The following HERC3 variants were observed in gnomAD, a reference collection of about 807,000 sequenced individuals.
The protein encoded by HERC3 is probable E3 ubiquitin-protein ligase HERC3.
HERC3 carries 58 observed loss-of-function variants against 129.9 expected under a neutral mutation model. That is an observed-to-expected ratio of 0.45 (90% CI 0.36 to 0.56). The LOEUF is 0.56. HERC3 is among the 20% of genes least tolerant of loss of function. The pLI is 0.00. For missense variants in HERC3, 835 were observed against 1,244.2 expected, an observed-to-expected ratio of 0.67 and a Z score of 4.95; for synonymous variants, 430 against 451.0, an observed-to-expected ratio of 0.95 and a Z score of 0.59.
At chr4:88,566,115 C>T in the HERC3 span, among the ~76,000 whole-genome samples, 1 of 152,066 alleles carries the variant, frequency 6.6e-6, no homozygotes. Context: ...TCCTGATCCT[C>T]TCCCTCCTTC....
chr4:88,667,345 T>G, intron 12 of HERC3, 32 bp from the exon 13 acceptor site: 1 of 1,232,626 alleles, frequency 8.1e-7, no homozygotes, highest in Non-Finnish European at 1.2e-6. Flanking sequence ...CTTTTTCTTT[T>G]ATTATATACC....
chr4:88,615,165 A>T (rs111634850), intron 3 of HERC3, among the ~76,000 whole-genome samples: 1 of 152,124 alleles, frequency 6.6e-6, no homozygotes, highest in African/African-American at 2.4e-5. Flanking sequence ...CCACCCTTTA[A>T]TTCTGAATTT....
At chr4:88,592,186 G>A (rs376312543), upstream of HERC3, among the ~76,000 whole-genome samples, 11 of 152,236 alleles carry the variant, frequency 7.2e-5, no homozygotes, top group Admixed American at 2.6e-4. Context: ...CCAGTGAAAA[G>A]CAATCTTATT....
chr4:88,655,411 A>C (rs1729775023), intron 8 of HERC3, 107 bp downstream of exon 8: 1 of 1,280,306 alleles, frequency 7.8e-7, no homozygotes, highest in African/African-American at 1.5e-5. Flanking sequence ...ATTTTAAGAG[A>C]TCTTAACTGC....
chr4:88,585,980 G>A, the HERC3 span, among the ~76,000 whole-genome samples: 1 of 152,130 alleles, frequency 6.6e-6, no homozygotes, highest in African/African-American at 2.4e-5. Context: ...GTGTTTGGCT[G>A]GTGCCATCTT....
In HERC3 at chr4:88,706,905, TG is replaced by T. The variant is rs1168311071; in HGVS notation, c.3099del (p.Ser1034ValfsTer4). On this transcript the variant is annotated frameshift_variant, in exon 26 of 26. Transcript: ENST00000402738. LOFTEE classifies it high-confidence loss of function. The stretch of plus-strand genomic sequence containing the variant: ...CCCAAGTACAGCAGCAAAGAGATTC[TG>T]AGTGCCCGGCTGACCCAGGCCCTTG... Reference protein sequence around the residue: ...DLPKYSSKEILSARLTQALDN... With the variant: ...DLPKYSSKEIXSARLTQALDN... 1 of 1,614,208 alleles carries T rather than the reference TG, an allele frequency of 6.2e-7. No individual in the cohort carries two copies.
intron 23 of HERC3, among the ~76,000 whole-genome samples, chr4:88,689,161 A>G (rs1441578022): frequency 1.3e-5 from 2 of 151,918 alleles, no homozygotes; most frequent in Non-Finnish European, 2.9e-5. Context: ...TATTAAATTC[A>G]CTCTATCCAA....
At chr4:88,624,871 A>G (rs1427023876) in intron 3 of HERC3, among the ~76,000 whole-genome samples, 1 of 152,162 alleles carries the variant, frequency 6.6e-6, no homozygotes, top group African/African-American at 2.4e-5. Flanking sequence ...TCAAATTAAA[A>G]TTTTATATGT....
rs763075838 is a variant in HERC3, at chr4:88,707,008, T to C, written c.*48T>C. On this transcript the variant is annotated 3_prime_UTR_variant, in exon 26 of 26. Coordinates refer to ENST00000402738, the MANE Select transcript of HERC3 (RefSeq NM_014606.3). Reference sequence around the variant, plus strand: ...TTCCCTTCGTTCCTCAGTGTCCACATTGAGGCCTATACAGAAAATCATGGG... The same window carrying C: ...TTCCCTTCGTTCCTCAGTGTCCACACTGAGGCCTATACAGAAAATCATGGG... The C allele has an allele frequency of 5.0e-6, 7 of 1,398,120 alleles. No individual in the cohort carries two copies. Among genetic ancestry groups the C allele is most frequent in the East Asian group, 4.6e-5 (2 of 43,880 alleles). The allele number at this position is 1,398,120 out of a possible 1,614,324, so 86.6% of individuals were successfully genotyped here.
the HERC3 span, among the ~76,000 whole-genome samples, chr4:88,532,497 G>C: frequency 6.6e-6 from 1 of 152,120 alleles, no homozygotes; most frequent in African/African-American, 2.4e-5. Flanking sequence ...GGCTCTCATA[G>C]GATTGGATGA....
At chr4:88,705,495 C>G (rs528532022) in intron 25 of HERC3, among the ~76,000 whole-genome samples, 1 of 152,332 alleles carries the variant, frequency 6.6e-6, no homozygotes, top group South Asian at 2.1e-4. Flanking sequence ...CCAGCTCCCC[C>G]ACCAGTCTTT....
rs1397828658 is a variant in HERC3, at chr4:88,708,485, A to G, written c.*1525A>G. 1 of 152,528 alleles carries G rather than the reference A, an allele frequency of 6.6e-6. No individual in the cohort carries two copies. Among genetic ancestry groups the G allele is most frequent in the East Asian group, 1.9e-4 (1 of 5,184 alleles). The allele number at this position is 152,528 out of a possible 1,614,324, so 9.4% of individuals were successfully genotyped here. Reference sequence around the variant, plus strand: ...CAGTTATATGAAATGTTTATTTTCTATGTGTGTGCATATAGTTCAATATTA... The same window carrying G: ...CAGTTATATGAAATGTTTATTTTCTGTGTGTGTGCATATAGTTCAATATTA... On this transcript the variant is annotated 3_prime_UTR_variant, in exon 26 of 26. Transcript: ENST00000402738.
intron 23 of HERC3, among the ~76,000 whole-genome samples, chr4:88,691,797 A>G (rs1316027683): frequency 1.3e-5 from 2 of 152,250 alleles, no homozygotes; most frequent in East Asian, 1.9e-4. Flanking sequence ...GCCATAATGT[A>G]GTCATTAGCA....
At chr4:88,543,379 G>T in the HERC3 span, among the ~76,000 whole-genome samples, 1 of 152,108 alleles carries the variant, frequency 6.6e-6, no homozygotes, top group African/African-American at 2.4e-5. Flanking sequence ...ACTTACAAGG[G>T]ATGTGAAGGA....
chr4:88,612,242 C>G (rs552542181), intron 3 of HERC3, among the ~76,000 whole-genome samples: 2 of 150,780 alleles, frequency 1.3e-5, no homozygotes, highest in Admixed American at 1.3e-4. Context: ...TTTCTTTGTA[C>G]TCTCATTTCT....
At chr4:88,593,523 C>T (rs2149164423) in intron 1 of HERC3, 1 of 152,364 alleles carries the variant, frequency 6.6e-6, no homozygotes, top group Non-Finnish European at 1.5e-5. Flanking sequence ...TGGTCTGTCA[C>T]TGTTTCTGGC....
At chr4:88,669,728 G>A in intron 14 of HERC3, 132 bp from the exon 15 acceptor site, 1 of 697,980 alleles carries the variant, frequency 1.4e-6, no homozygotes, top group Non-Finnish European at 2.3e-6. Flanking sequence ...TCTTTTTAAA[G>A]TCAGTTTTGG....
the HERC3 span, among the ~76,000 whole-genome samples, chr4:88,549,997 C>T: frequency 3.9e-5 from 6 of 152,082 alleles, no homozygotes; most frequent in East Asian, 3.9e-4. Context: ...ATTGGGGAAT[C>T]GAAACTTTAG....
At chr4:88,598,744 G>T (rs1222830603) in intron 2 of HERC3, among the ~76,000 whole-genome samples, 1 of 152,174 alleles carries the variant, frequency 6.6e-6, no homozygotes, top group African/African-American at 2.4e-5. Flanking sequence ...CACAGCTAAC[G>T]TGGTTAATGT....
Sources: allele counts gnomAD v4.1 joint callset (sites outside exome capture counted in the v4.1 genomes callset), GRCh38; gene constraint gnomAD v4.1.1; transcripts MANE v1.5; gene names NCBI Gene and HGNC (gene_info 2026-07-23, HGNC 2026-07-21).